The following NMNAT3 variants were observed in gnomAD, a reference collection of about 807,000 sequenced individuals.
The protein encoded by NMNAT3 is nicotinamide/nicotinic acid mononucleotide adenylyltransferase 3.
A neutral mutation model predicts 24.8 loss-of-function variants in NMNAT3; 21 were observed. The observed-to-expected ratio is 0.85, with a 90% confidence interval of 0.60 to 1.22. The LOEUF is 1.22. NMNAT3 is among the 50% of genes most tolerant of loss of function. The pLI, the probability that NMNAT3 is intolerant of heterozygous loss-of-function variation, is 0.00. For missense variants in NMNAT3, 387 were observed against 436.6 expected, an observed-to-expected ratio of 0.89 and a Z score of 1.01; for synonymous variants, 136 against 155.2, an observed-to-expected ratio of 0.88 and a Z score of 0.92.
At chr3:139,601,998 A>G (rs867231835) in intron 3 of NMNAT3, among the ~76,000 whole-genome samples, 1 of 152,238 alleles carries the variant, frequency 6.6e-6, no homozygotes, top group Non-Finnish European at 1.5e-5. Flanking sequence ...TTGATTCTGC[A>G]TTAACATCCT....
At chr3:139,616,390 C>T (rs547442790) in intron 3 of NMNAT3, among the ~76,000 whole-genome samples, 2 of 152,260 alleles carry the variant, frequency 1.3e-5, no homozygotes, top group African/African-American at 4.8e-5. Flanking sequence ...CTGTCAAAGC[C>T]TGGGGCTCCT....
chr3:139,574,373 G>A (rs568934397), intron 5 of NMNAT3, among the ~76,000 whole-genome samples: 1 of 152,356 alleles, frequency 6.6e-6, no homozygotes, highest in African/African-American at 2.4e-5. Flanking sequence ...CTGATGGGTG[G>A]TTATGAAGAT....
intron 1 of NMNAT3, among the ~76,000 whole-genome samples, chr3:139,657,342 C>T (rs1343523436): frequency 6.6e-6 from 1 of 152,266 alleles, no homozygotes; most frequent in Non-Finnish European, 1.5e-5. Context: ...CTTCTTCCCT[C>T]AAGAGTAAAT....
intron 3 of NMNAT3, among the ~76,000 whole-genome samples, chr3:139,600,349 T>A (rs1181546437): frequency 2.6e-5 from 4 of 151,304 alleles, no homozygotes; most frequent in Non-Finnish European, 5.9e-5. Flanking sequence ...CTTGTAGCAC[T>A]GGCTAGAGTG....
intron 6 of NMNAT3, among the ~76,000 whole-genome samples, chr3:139,562,316 T>C (rs1172500082): frequency 1.3e-5 from 2 of 152,192 alleles, no homozygotes; most frequent in Admixed American, 6.5e-5. Context: ...TGTACCTGCA[T>C]TATACTGGAG....
intron 1 of NMNAT3, among the ~76,000 whole-genome samples, chr3:139,643,173 C>T (rs1199618201): frequency 3.9e-5 from 6 of 152,174 alleles, no homozygotes; most frequent in African/African-American, 1.4e-4. Flanking sequence ...TGAGAAACCA[C>T]GTCCTGTTAG....
intron 3 of NMNAT3, among the ~76,000 whole-genome samples, chr3:139,586,872 C>T (rs1227546761): frequency 1.3e-5 from 2 of 152,124 alleles, no homozygotes; most frequent in Non-Finnish European, 2.9e-5. Context: ...GAAGAATGGG[C>T]AGAAGGGCAG....
chr3:139,634,835 TCTGAGTAACTACTA>T (rs1382476429), intron 2 of NMNAT3, 188 bp from the exon 3 acceptor site: 1 of 152,174 alleles, frequency 6.6e-6, no homozygotes, highest in Non-Finnish European at 1.5e-5. Flanking sequence ...ATAAAGTACG[TCTGAGTAACTACTA>T]CTGGGTTTAT....
chr3:139,622,654 G>A (rs2055834741), intron 3 of NMNAT3, among the ~76,000 whole-genome samples: 1 of 150,560 alleles, frequency 6.6e-6, no homozygotes. Flanking sequence ...AGAATCGCTT[G>A]AACATGGGAG....
At chr3:139,605,826 T>C (rs2054917355) in intron 3 of NMNAT3, among the ~76,000 whole-genome samples, 1 of 152,134 alleles carries the variant, frequency 6.6e-6, no homozygotes, top group Admixed American at 6.5e-5. Context: ...TGGGATTGTT[T>C]TGGCAATTAA....
At chr3:139,662,547 T>G (rs1338869584) in intron 1 of NMNAT3, among the ~76,000 whole-genome samples, 1 of 152,222 alleles carries the variant, frequency 6.6e-6, no homozygotes, top group South Asian at 2.1e-4. Context: ...AGGCAGAAGC[T>G]CAGGGGTCAA....
intron 2 of NMNAT3, chr3:139,635,343 A>C (rs570562306): frequency 7.9e-5 from 12 of 152,306 alleles, no homozygotes; most frequent in African/African-American, 2.9e-4. Context: ...CCAAGTACCA[A>C]TGCTGTGTAG....
intron 6 of NMNAT3, among the ~76,000 whole-genome samples, chr3:139,563,631 T>TG (rs1936744375): frequency 6.6e-6 from 1 of 152,132 alleles, no homozygotes; most frequent in Non-Finnish European, 1.5e-5. Context: ...GTGAGGCTGG[T>TG]GGTGCCTGTT....
At chr3:139,562,750 A>G (rs295506) in intron 6 of NMNAT3, among the ~76,000 whole-genome samples, 120,407 of 152,220 alleles carry the variant, frequency 0.79, 48,002 homozygotes, top group East Asian at 0.98. Flanking sequence ...CTGTGCGGCC[A>G]GAGCCAAGAC....
At chr3:139,667,440 A>T (rs1451844611) in intron 1 of NMNAT3, among the ~76,000 whole-genome samples, 1 of 152,160 alleles carries the variant, frequency 6.6e-6, no homozygotes, top group African/African-American at 2.4e-5. Context: ...TTGCACATTT[A>T]AAAAAATCAA....
intron 1 of NMNAT3, among the ~76,000 whole-genome samples, chr3:139,668,765 T>C (rs2057664210): frequency 6.6e-6 from 1 of 152,190 alleles, no homozygotes; most frequent in African/African-American, 2.4e-5. Flanking sequence ...CGTAGAGAAC[T>C]TTGCTGAGGA....
At chr3:139,575,745 G>T in intron 5 of NMNAT3, 1 of 1,099,244 alleles carries the variant, frequency 9.1e-7, no homozygotes, top group African/African-American at 1.7e-5. Context: ...CTGCCTGAGT[G>T]GTACCTTGGG....
intron 1 of NMNAT3, among the ~76,000 whole-genome samples, chr3:139,662,704 G>T (rs1213717950): frequency 1.3e-5 from 2 of 152,058 alleles, no homozygotes; most frequent in Non-Finnish European, 2.9e-5. Flanking sequence ...GTTCTCCAAG[G>T]GTGCCTTTGG....
At chr3:139,653,716 C>T (rs2057135896) in intron 1 of NMNAT3, among the ~76,000 whole-genome samples, 1 of 152,212 alleles carries the variant, frequency 6.6e-6, no homozygotes. Flanking sequence ...AGCTTCCCCA[C>T]AGCCCCACCC....
Sources: gnomAD v4.1 joint callset for allele counts (sites outside exome capture counted in the v4.1 genomes callset) on GRCh38, gnomAD v4.1.1 for gene constraint, MANE v1.5 for transcripts, NCBI Gene and HGNC (gene_info 2026-07-23, HGNC 2026-07-21) for gene names.